The following OC90 variants were observed in gnomAD, a reference collection of about 807,000 sequenced individuals.
OC90 encodes otoconin 90.
Under a neutral mutation model 47.3 loss-of-function variants are expected in OC90, and 46 were observed. That is an observed-to-expected ratio of 0.97 (90% CI 0.77 to 1.24). OC90 has a LOEUF of 1.24. Among genes scored for constraint, OC90 ranks in the 50% most tolerant of loss-of-function variants. The pLI, the probability that OC90 is intolerant of heterozygous loss-of-function variation, is 0.00. For synonymous variants in OC90, 271 were observed against 219.5 expected (o/e 1.23, Z -2.07); for missense variants, 688 against 583.9 (o/e 1.18, Z -1.84).
In OC90 at chr8:132,041,122, C is replaced by A; in HGVS notation, c.379G>T (p.Ala127Ser). ...TCTTGGAGACAGTCCATCTCAGCGG[C>A]CTCCTCATAGCACCTGCGGTGCTGG... The part of the protein sequence containing the change: ...CFQHRRCYEE[A>S]AEMDCLQDPA... Residue 127 changes from alanine to serine, a missense_variant, in exon 6 of 14, where the codon GCC becomes TCC. Ala to Ser is a moderately conservative substitution (Grantham distance 99). Transcript: ENST00000254627. 1.9e-6 allele frequency: 3 copies of A among 1,613,834 alleles called. No individual in the cohort carries two copies. The highest frequency in any genetic ancestry group is 2.5e-6 in the Non-Finnish European group (3 of 1,179,744).
At chr8:132,040,023 T>A (rs1404866519) in intron 6 of OC90, among the ~76,000 whole-genome samples, 2 of 152,228 alleles carry the variant, frequency 1.3e-5, no homozygotes, top group African/African-American at 2.4e-5. Flanking sequence ...GGTCAGGCTA[T>A]CCCCAGCACA....
chr8:132,039,281 T>A (rs935598897), intron 6 of OC90, among the ~76,000 whole-genome samples, 158 bp from the exon 7 acceptor site: 1 of 152,204 alleles, frequency 6.6e-6, no homozygotes, highest in Non-Finnish European at 1.5e-5. Flanking sequence ...TCTTTAGGGG[T>A]GTAGACCCAA....
At chr8:132,054,197 A>G (rs1823252356) in intron 2 of OC90, among the ~76,000 whole-genome samples, 1 of 152,156 alleles carries the variant, frequency 6.6e-6, no homozygotes, top group South Asian at 2.1e-4. Flanking sequence ...GCATGTAGGT[A>G]TACCACAGTG....
At chr8:132,031,340 A>G (rs1822870466) in intron 12 of OC90, among the ~76,000 whole-genome samples, 1 of 152,220 alleles carries the variant, frequency 6.6e-6, no homozygotes, top group Admixed American at 6.5e-5. Context: ...GCATATTTAA[A>G]CGAATGAATA....
intron 2 of OC90, among the ~76,000 whole-genome samples, chr8:132,050,263 T>C (rs1222100436): frequency 1.3e-5 from 2 of 152,100 alleles, no homozygotes; most frequent in African/African-American, 4.8e-5. Context: ...ATATCAATGA[T>C]GTGGACCCTG....
chr8:132,036,841 G>A (rs917725148), intron 9 of OC90, among the ~76,000 whole-genome samples: 6 of 152,220 alleles, frequency 3.9e-5, no homozygotes, highest in African/African-American at 9.6e-5. Context: ...GCGTGTATAA[G>A]CATTAAATTA....
chr8:132,044,202 T>A, intron 4 of OC90, among the ~76,000 whole-genome samples: 1 of 152,122 alleles, frequency 6.6e-6, no homozygotes, highest in Non-Finnish European at 1.5e-5. Context: ...TGGAGAGTTG[T>A]GAGTCAGGAC....
At chr8:132,028,583 G>A (rs866258577) in intron 13 of OC90, among the ~76,000 whole-genome samples, 80 of 18,882 alleles carry the variant, frequency 4.2e-3, no homozygotes, top group African/African-American at 0.011. Flanking sequence ...AGGAAGGAAG[G>A]AAGGAAGGAA....
chr8:132,041,905 A>C (rs568583067), intron 4 of OC90, among the ~76,000 whole-genome samples: 1 of 152,264 alleles, frequency 6.6e-6, no homozygotes, highest in Non-Finnish European at 1.5e-5. Flanking sequence ...CCTTACTGAC[A>C]AAACTAGAAA....
chr8:132,028,686 G>GAGAGAGAA (rs1554613376), intron 13 of OC90, among the ~76,000 whole-genome samples: 10 of 126,996 alleles, frequency 7.9e-5, no homozygotes, highest in Non-Finnish European at 3.2e-5. Context: ...AAGAAAGAAA[G>GAGAGAGAA]AGAAAGAAAG....
rs534563634 is a variant in OC90, at chr8:132,029,606, G to A, written c.1032-427C>T. ...ACTCCCTCCAATCTTTGACACAGAG[G>A]AGTTAATCTCACATCCACAGTGCAC... is the stretch of plus-strand genomic sequence containing the variant. On this transcript the variant is annotated intron_variant, in intron 12 of 13. Transcript: ENST00000254627. 6.6e-5 allele frequency among the ~76,000 whole-genome samples: 10 copies of A among 152,214 alleles called. No homozygotes were observed. The East Asian group carries it at 1.4e-3, about 21-fold the overall frequency.
intron 2 of OC90, among the ~76,000 whole-genome samples, chr8:132,046,482 G>GTAATA (rs1823135150): frequency 6.6e-6 from 1 of 152,076 alleles, no homozygotes; most frequent in African/African-American, 2.4e-5. Context: ...GTTACTTAAT[G>GTAATA]GTGTAATAAC....
At position 132,041,240 on chromosome 8, in the gene OC90, T is replaced by C. The variant is rs774261422; in HGVS notation, c.345-84A>G. On this transcript the variant is annotated intron_variant, in intron 5 of 13. Coordinates refer to ENST00000254627, the MANE Select transcript of OC90 (RefSeq NM_001080399.3). Reference sequence around the variant, plus strand: ...GCAGCTCATGATCTTTCTGTGTCTCTGGATGGATCCTGGCAGTGGTCTATT... The same window carrying C: ...GCAGCTCATGATCTTTCTGTGTCTCCGGATGGATCCTGGCAGTGGTCTATT... 131 of 856,056 alleles carry C rather than the reference T, an allele frequency of 1.5e-4. 2 individuals are homozygous for C. Among genetic ancestry groups the C allele is most frequent in the Admixed American group, 1.5e-3 (77 of 52,816 alleles). 53.0% of individuals were successfully genotyped at this position (856,056 alleles called of 1,614,324 possible).
rs1237425479 is a variant in OC90, at chr8:132,024,745, G to A, written c.1170C>T (p.Leu390=). 1 of 1,613,760 alleles carries A rather than the reference G, an allele frequency of 6.2e-7. No homozygotes were observed. The highest frequency in any genetic ancestry group is 1.1e-5 in the South Asian group (1 of 91,006). ...CGGQSLCEKL[L]CACDQTAAEC... Reference sequence around the variant, plus strand: ...CAGCTGCCGTCTGGTCACAGGCACAGAGCAACTTCTCACACAGGCTTTGGC... The same window carrying A: ...CAGCTGCCGTCTGGTCACAGGCACAAAGCAACTTCTCACACAGGCTTTGGC... Residue 390 remains leucine, a synonymous_variant, in exon 14 of 14, where the codon CTC becomes CTT. Coordinates refer to ENST00000254627, the MANE Select transcript of OC90 (RefSeq NM_001080399.3).
chr8:132,055,756 C>T (rs1455409489), intron 1 of OC90, among the ~76,000 whole-genome samples: 1 of 152,120 alleles, frequency 6.6e-6, no homozygotes, highest in African/African-American at 2.4e-5. Flanking sequence ...TCGGAGGATG[C>T]TTTGGGGGCA....
chr8:132,057,383 T>G (rs1193509003), intron 1 of OC90, among the ~76,000 whole-genome samples: 1 of 152,200 alleles, frequency 6.6e-6, no homozygotes, highest in East Asian at 1.9e-4. Flanking sequence ...CTGAAGGTCA[T>G]GTTCCATTAC....
chr8:132,043,666 T>C (rs762179689), intron 4 of OC90, among the ~76,000 whole-genome samples: 27 of 152,204 alleles, frequency 1.8e-4, no homozygotes, highest in Non-Finnish European at 2.6e-4. Flanking sequence ...CAAACTTCCT[T>C]TCCCATGTTT....
chr8:132,035,423 T>G (rs1488455900), intron 9 of OC90, among the ~76,000 whole-genome samples: 1 of 152,162 alleles, frequency 6.6e-6, no homozygotes, highest in East Asian at 1.9e-4. Context: ...AGGTCCCTTT[T>G]CCAAGGTCAC....
At chr8:132,037,569 G>C (rs1822989237) in intron 8 of OC90, 81 bp from the exon 9 acceptor site, 2 of 1,231,868 alleles carry the variant, frequency 1.6e-6, no homozygotes, top group East Asian at 2.5e-5. Context: ...AGGAAAACAG[G>C]CTGGTTGCTG....
Sources: allele counts gnomAD v4.1 joint callset (sites outside exome capture counted in the v4.1 genomes callset), GRCh38; gene constraint gnomAD v4.1.1; transcripts MANE v1.5; gene names NCBI Gene and HGNC (gene_info 2026-07-23, HGNC 2026-07-21).